The following KRT77 variants were observed in gnomAD, a reference collection of about 807,000 sequenced individuals.
The protein encoded by KRT77 is keratin, type II cytoskeletal 1b.
A neutral mutation model predicts 51.5 loss-of-function variants in KRT77; 44 were observed. The ratio of observed to expected loss-of-function variants is 0.85; its 90% CI spans 0.67 to 1.10. The LOEUF is 1.10. Ranked by LOEUF, KRT77 falls within the 50% of genes least tolerant of loss-of-function variation. KRT77 has a pLI of 0.00. For synonymous variants in KRT77, 293 were observed against 302.0 expected (o/e 0.97, Z 0.31); for missense variants, 763 against 743.9 (o/e 1.03, Z -0.30).
Position 52,697,746 on chromosome 12 carries a change from C to G in KRT77, c.694G>C (p.Glu232Gln). ...LRRQVDLLSAEQMRQNAEVRS... is the reference protein window; with the variant it reads ...LRRQVDLLSAQQMRQNAEVRS... ...ACCTCCGCGTTCTGGCGCATCTGCT[C>G]CGCACTGAGCAAATCCACCTGCCTC... Residue 232 changes from glutamate to glutamine, a missense_variant, in exon 2 of 9, where the codon GAG becomes CAG. Physicochemically the swap from Glu to Gln is conservative, Grantham distance 29. Coordinates refer to ENST00000341809, the MANE Select transcript of KRT77 (RefSeq NM_175078.3). The G allele has an allele frequency of 6.2e-7, 1 of 1,614,158 alleles. No individual in the cohort carries two copies. Among genetic ancestry groups the G allele is most frequent in the Non-Finnish European group, 8.5e-7 (1 of 1,180,018 alleles).
chr12:52,703,144 A>G lies in KRT77; in HGVS notation c.291T>C (p.Phe97=). 2 of 1,603,692 alleles carry G rather than the reference A, an allele frequency of 1.2e-6. No individual in the cohort carries two copies. Among genetic ancestry groups the G allele is most frequent in the Non-Finnish European group, 1.7e-6 (2 of 1,175,402 alleles). Residue 97 remains phenylalanine, a synonymous_variant, in exon 1 of 9, where the codon TTT becomes TTC. Coordinates refer to ENST00000341809, the MANE Select transcript of KRT77 (RefSeq NM_175078.3). ...CACCAGCCCCGGTGCTGCCAACCCC[A>G]AAGCCTCTGCCCCCTCCAAATCCCC... is the stretch of plus-strand genomic sequence containing the variant. ...GVGGFGGGRG[F]GVGSTGAGGF...
intron 5 of KRT77, 74 bp downstream of exon 5, chr12:52,694,552 A>T (rs1385460104): frequency 1.5e-6 from 2 of 1,368,836 alleles, no homozygotes; most frequent in African/African-American, 1.4e-5. Context: ...TAAGAGAAAG[A>T]CAATGCAATA....
At chr12:52,695,908 C>G (rs758695371) in intron 3 of KRT77, 41 bp from the exon 4 acceptor site, 1 of 1,256,892 alleles carries the variant, frequency 8.0e-7, no homozygotes, top group Non-Finnish European at 1.2e-6. Flanking sequence ...ATTGCCCAGG[C>G]ATTGCCTGCC....
chr12:52,700,985 T>A (rs1941879761), intron 1 of KRT77, among the ~76,000 whole-genome samples: 1 of 152,170 alleles, frequency 6.6e-6, no homozygotes, highest in African/African-American at 2.4e-5. Flanking sequence ...ACAGCCCACC[T>A]GGCTGAGAAG....
intron 1 of KRT77, among the ~76,000 whole-genome samples, chr12:52,701,056 C>T (rs1297065152): frequency 1.3e-5 from 2 of 152,236 alleles, no homozygotes; most frequent in African/African-American, 4.8e-5. Context: ...AGGTCTCTTG[C>T]ACCCTAGCCT....
chr12:52,698,214 G>T (rs1291743669), intron 1 of KRT77: 1 of 1,218,828 alleles, frequency 8.2e-7, no homozygotes, highest in South Asian at 1.3e-5. Context: ...GTAAGGAAAT[G>T]GTGTTTCGGA....
intron 3 of KRT77, among the ~76,000 whole-genome samples, 180 bp from the exon 4 acceptor site, chr12:52,696,047 G>A (rs535573002): frequency 3.3e-5 from 5 of 152,174 alleles, no homozygotes; most frequent in Non-Finnish European, 7.3e-5. Flanking sequence ...AAGGAGATGT[G>A]ACACCAACCT....
rs945952064 is a variant in KRT77, at chr12:52,696,726, A to G, written c.759-296T>C. On this transcript the variant is annotated intron_variant, in intron 2 of 8. Coordinates refer to ENST00000341809, the MANE Select transcript of KRT77 (RefSeq NM_175078.3). ...TTTATTTTGATGTTTTACCTTTGTA[A>G]ATGTGTCAAACTCATTCATTCCTTA... 24 of 335,334 alleles carry G rather than the reference A, an allele frequency of 7.2e-5. No individual in the cohort carries two copies. In the Admixed American group the frequency reaches 8.0e-4, roughly 11 times the overall value. 20.8% of individuals were successfully genotyped at this position (335,334 alleles called of 1,614,324 possible).
intron 1 of KRT77, among the ~76,000 whole-genome samples, chr12:52,701,392 C>T (rs544744407): frequency 1.3e-5 from 2 of 152,220 alleles, no homozygotes; most frequent in African/African-American, 2.4e-5. Flanking sequence ...CTCCTCCGCC[C>T]GCTCACACAC....
chr12:52,696,741 T>C lies in KRT77; in HGVS notation c.759-311A>G, dbSNP rs1592273431. 5 of 290,198 alleles carry C rather than the reference T, an allele frequency of 1.7e-5. No homozygotes were observed. In the South Asian group the frequency reaches 5.2e-4, roughly 30 times the overall value. 18.0% of individuals were successfully genotyped at this position (290,198 alleles called of 1,614,324 possible). ...TACCTTTGTAAATGTGTCAAACTCA[T>C]TCATTCCTTAAAACTGAGAACATGA... On this transcript the variant is annotated intron_variant, in intron 2 of 8. Transcript: ENST00000341809.
chr12:52,699,851 C>T (rs1592274822), intron 1 of KRT77, among the ~76,000 whole-genome samples: 2 of 152,360 alleles, frequency 1.3e-5, no homozygotes, highest in African/African-American at 4.8e-5. Flanking sequence ...CCTATGTCTA[C>T]TTTGTTCTCC....
chr12:52,702,544 G>A (rs948919640), intron 1 of KRT77, among the ~76,000 whole-genome samples: 1 of 113,134 alleles, frequency 8.8e-6, no homozygotes, highest in Non-Finnish European at 1.8e-5. Flanking sequence ...GTGTGTGTGT[G>A]TGTGTGTGTT....
chr12:52,695,422 T>G, intron 4 of KRT77: 1 of 210,092 alleles, frequency 4.8e-6, no homozygotes, highest in Non-Finnish European at 9.7e-6. Flanking sequence ...TCCCACAGAG[T>G]TTCCTAACAG....
chr12:52,698,377 C>T, intron 1 of KRT77: 1 of 409,574 alleles, frequency 2.4e-6, no homozygotes, highest in East Asian at 7.2e-5. Context: ...GGTGCCCCTG[C>T]CCTGCAGCCA....
At chr12:52,695,032 T>C (rs1364705140) in intron 4 of KRT77, 3 of 285,308 alleles carry the variant, frequency 1.1e-5, no homozygotes, top group East Asian at 1.3e-4. Flanking sequence ...ACACTTCTCC[T>C]GCAGCTGCCA....
rs1377073685 is a variant in KRT77, at chr12:52,691,272, C to CGCCGCA, written c.1624_1629dup (p.Cys542_Gly543dup). The CGCCGCA allele has an allele frequency of 6.3e-7, 1 of 1,598,272 alleles. No individual in the cohort carries two copies. ...CTCCCTCCGTAGCTCCCGCCACCGC[C>CGCCGCA]GCCGCAGCCGCTGCCATAACCGCCT... On this transcript the variant is annotated inframe_insertion, in exon 9 of 9. Transcript: ENST00000341809.
intron 7 of KRT77, 89 bp downstream of exon 7, chr12:52,692,331 TG>T: frequency 7.0e-7 from 1 of 1,427,806 alleles, no homozygotes; most frequent in Non-Finnish European, 9.6e-7. Context: ...CCCAAAAAGG[TG>T]GGGCTTATCT....
At chr12:52,697,038 C>A (rs925865918) in intron 2 of KRT77, among the ~76,000 whole-genome samples, 1 of 152,220 alleles carries the variant, frequency 6.6e-6, no homozygotes, top group Admixed American at 6.5e-5. Flanking sequence ...ACTCCCGTCA[C>A]CCCTACTGTT....
At position 52,703,447 on chromosome 12, in the gene KRT77, A is replaced by T. The variant is rs758225293; in HGVS notation, c.-13T>A. 1 of 1,555,868 alleles carries T rather than the reference A, an allele frequency of 6.4e-7. No homozygotes were observed. ...ATTGGTGGCTCATGTTTGCTGGAGC[A>T]TCCAGAGAAGCAGGCAAGAGAAAGA... On this transcript the variant is annotated 5_prime_UTR_variant, in exon 1 of 9. The change abolishes an upstream ATG in the 5' untranslated region. Coordinates refer to ENST00000341809, the MANE Select transcript of KRT77 (RefSeq NM_175078.3).
Sources: gnomAD v4.1 joint callset for allele counts (sites outside exome capture counted in the v4.1 genomes callset) on GRCh38, gnomAD v4.1.1 for gene constraint, MANE v1.5 for transcripts, NCBI Gene and HGNC (gene_info 2026-07-23, HGNC 2026-07-21) for gene names.